The following PPP1R1C variants were observed in gnomAD, a reference collection of about 807,000 sequenced individuals.
The protein encoded by PPP1R1C is protein phosphatase 1 regulatory subunit 1C.
Under a neutral mutation model 17.4 loss-of-function variants are expected in PPP1R1C, and 15 were observed. That is an observed-to-expected ratio of 0.86 (90% CI 0.58 to 1.33). The LOEUF is 1.33. Among genes scored for constraint, PPP1R1C ranks in the 40% most tolerant of loss-of-function variants. The pLI is 0.00. For missense variants in PPP1R1C, 143 were observed against 130.0 expected, an observed-to-expected ratio of 1.10 and a Z score of -0.48; for synonymous variants, 35 against 43.1, an observed-to-expected ratio of 0.81 and a Z score of 0.73.
At chr2:182,049,469 T>C (rs1687445278) in intron 2 of PPP1R1C, among the ~76,000 whole-genome samples, 1 of 152,060 alleles carries the variant, frequency 6.6e-6, no homozygotes, top group African/African-American at 2.4e-5. Flanking sequence ...CAAAAGCTAA[T>C]GAAAATATAC....
At chr2:182,095,286 G>A (rs907106264) in intron 4 of PPP1R1C, among the ~76,000 whole-genome samples, 2 of 150,058 alleles carry the variant, frequency 1.3e-5, no homozygotes, top group Non-Finnish European at 3.0e-5. Flanking sequence ...GTGACAGAGC[G>A]AGACTCCATC....
chr2:181,989,220 G>C (rs1164603746), intron 2 of PPP1R1C, among the ~76,000 whole-genome samples: 2 of 152,164 alleles, frequency 1.3e-5, no homozygotes, highest in Non-Finnish European at 2.9e-5. Flanking sequence ...CTCCTGGAGA[G>C]CAGTTTTCAG....
At chr2:182,082,623 T>C (rs951315021) in intron 4 of PPP1R1C, among the ~76,000 whole-genome samples, 2 of 152,074 alleles carry the variant, frequency 1.3e-5, no homozygotes, top group Non-Finnish European at 1.5e-5. Flanking sequence ...GAACATAGAC[T>C]CAATAAGTAC....
intron 2 of PPP1R1C, among the ~76,000 whole-genome samples, chr2:182,018,804 A>G (rs1235670821): frequency 6.6e-6 from 1 of 152,116 alleles, no homozygotes; most frequent in Non-Finnish European, 1.5e-5. Context: ...AATCGATTGA[A>G]AAAGACTAAT....
chr2:182,043,054 T>A (rs1687233528), intron 2 of PPP1R1C, among the ~76,000 whole-genome samples: 1 of 152,178 alleles, frequency 6.6e-6, no homozygotes, highest in African/African-American at 2.4e-5. Context: ...AGAAAAATTT[T>A]TAAAAAATTG....
At chr2:182,000,106 C>A (rs1294026038) in intron 2 of PPP1R1C, among the ~76,000 whole-genome samples, 2 of 152,132 alleles carry the variant, frequency 1.3e-5, no homozygotes, top group Non-Finnish European at 2.9e-5. Flanking sequence ...AGGTTTTGCA[C>A]GAGTAAGCAT....
intron 1 of PPP1R1C, among the ~76,000 whole-genome samples, chr2:181,956,644 C>T (rs1243582945): frequency 6.6e-6 from 1 of 152,124 alleles, no homozygotes; most frequent in Non-Finnish European, 1.5e-5. Flanking sequence ...CTCTGATGAC[C>T]AGTGATCATG....
chr2:181,998,395 T>G (rs546193041), intron 2 of PPP1R1C, among the ~76,000 whole-genome samples: 1 of 152,340 alleles, frequency 6.6e-6, no homozygotes, highest in East Asian at 1.9e-4. Flanking sequence ...CTAATTTGTA[T>G]CCTGTGATTT....
intron 1 of PPP1R1C, among the ~76,000 whole-genome samples, chr2:181,973,185 G>A (rs920961706): frequency 4.6e-5 from 7 of 152,088 alleles, no homozygotes; most frequent in Non-Finnish European, 1.0e-4. Context: ...CCATGACCAA[G>A]ACACAGAGGC....
chr2:182,078,947 A>G (rs1441159527), intron 4 of PPP1R1C, among the ~76,000 whole-genome samples: 6 of 152,370 alleles, frequency 3.9e-5, no homozygotes, highest in Non-Finnish European at 8.8e-5. Flanking sequence ...ATGGCCAGGC[A>G]ACATACAGTC....
In PPP1R1C at chr2:181,976,216, T is replaced by C. The variant is rs963092376; in HGVS notation, n.157+952T>C. Among the ~76,000 whole-genome samples the C allele has an allele frequency of 1.3e-5, 2 of 152,046 alleles. No individual in the cohort carries two copies. The highest frequency in any genetic ancestry group is 2.9e-5 in the Non-Finnish European group (2 of 67,970). ...ACAAAAGTATAAGTAAGCGTGTATG[T>C]ATATGTCAGTAGGTGTTTAATGCAT... On this transcript the variant is annotated intron_variant and non_coding_transcript_variant, in intron 2 of 5. Coordinates refer to the PPP1R1C transcript ENST00000464264. The surrounding 1 kb of genome is among the most constrained non-coding windows in gnomAD (Gnocchi z 4.8).
intron 4 of PPP1R1C, among the ~76,000 whole-genome samples, chr2:182,094,708 T>C (rs1688881136): frequency 6.6e-6 from 1 of 152,158 alleles, no homozygotes; most frequent in Non-Finnish European, 1.5e-5. Flanking sequence ...GGTTGCACTT[T>C]TTTGAATTGC....
At chr2:182,072,295 A>T (rs1050344714) in intron 4 of PPP1R1C, among the ~76,000 whole-genome samples, 5 of 152,214 alleles carry the variant, frequency 3.3e-5, no homozygotes, top group Non-Finnish European at 7.3e-5. Flanking sequence ...GATTTGTATT[A>T]TCCCTTTATA....
intron 2 of PPP1R1C, among the ~76,000 whole-genome samples, chr2:181,997,328 G>A (rs1020603954): frequency 6.6e-6 from 1 of 151,764 alleles, no homozygotes; most frequent in Non-Finnish European, 1.5e-5. Context: ...CCAACTGTAT[G>A]TAAAAAAAAG....
At chr2:182,031,055 C>T (rs1342672652) in intron 2 of PPP1R1C, 1 of 153,868 alleles carries the variant, frequency 6.5e-6, no homozygotes, top group Non-Finnish European at 1.4e-5. Flanking sequence ...GAGGCAATGC[C>T]TCACCCTGCT....
chr2:182,000,374 T>C (rs1330503148), intron 2 of PPP1R1C, among the ~76,000 whole-genome samples: 1 of 152,100 alleles, frequency 6.6e-6, no homozygotes, highest in African/African-American at 2.4e-5. Flanking sequence ...TGTCCAAGTG[T>C]AATCAATCTA....
intron 2 of PPP1R1C, among the ~76,000 whole-genome samples, chr2:182,013,764 C>G (rs181062380): frequency 4.6e-5 from 7 of 152,210 alleles, no homozygotes; most frequent in African/African-American, 1.7e-4. Flanking sequence ...TTTCAAATAG[C>G]CTACCTTCAA....
Position 182,117,206 on chromosome 2 carries a change from G to A in PPP1R1C, c.242-1G>A, listed in dbSNP as rs1689610108. The A allele has an allele frequency of 1.3e-6, 2 of 1,534,542 alleles. No individual in the cohort carries two copies. The highest frequency in any genetic ancestry group is 4.1e-5 in the Admixed American group (2 of 48,982). On this transcript the variant is annotated splice_acceptor_variant, in intron 4 of 4. Coordinates refer to ENST00000682840, the MANE Select transcript of PPP1R1C (RefSeq NM_001080545.3). LOFTEE classifies it high-confidence loss of function. ...ATTTTGCATAATTTTTATAATTTCA[G>A]GGGTTAAGCATCTGAAAGGCCAGAA...
At chr2:182,105,299 A>G (rs1689210862) in intron 4 of PPP1R1C, among the ~76,000 whole-genome samples, 1 of 152,204 alleles carries the variant, frequency 6.6e-6, no homozygotes, top group African/African-American at 2.4e-5. Flanking sequence ...AGGGAAATAG[A>G]GTAGATTTTT....
Sources: gnomAD v4.1 joint callset for allele counts (sites outside exome capture counted in the v4.1 genomes callset) on GRCh38, gnomAD v4.1.1 for gene constraint, Gnocchi (gnomAD v3.1) non-coding constraint, MANE v1.5 for transcripts, NCBI Gene and HGNC (gene_info 2026-07-23, HGNC 2026-07-21) for gene names.